REEP1: variants seen among roughly 807,000 people sequenced by gnomAD.
REEP1 encodes the protein receptor accessory protein 1.
In REEP1, 22 loss-of-function variants were observed where a neutral mutation model predicts 40.3. That is an observed-to-expected ratio of 0.55 (90% CI 0.39 to 0.78). The LOEUF (loss-of-function observed/expected upper bound fraction) is 0.78, where lower values mean the gene tolerates loss of function less well. Among genes scored for constraint, REEP1 ranks in the 30% least tolerant of loss-of-function variants. REEP1 has a pLI of 0.00. For missense variants in REEP1, 280 were observed against 361.1 expected, an observed-to-expected ratio of 0.78 and a Z score of 1.82; for synonymous variants, 116 against 139.2, an observed-to-expected ratio of 0.83 and a Z score of 1.17.
intron 6 of REEP1, 88 bp from the exon 7 acceptor site, chr2:86,227,486 G>A (rs1674771977): frequency 9.2e-7 from 1 of 1,086,280 alleles, no homozygotes; most frequent in Non-Finnish European, 1.2e-6. Flanking sequence ...CTGGAGAGGT[G>A]TGGGGATCCC....
At position 86,254,677 on chromosome 2, in the gene REEP1, A is replaced by G; in HGVS notation, c.303+17T>C. The G allele has an allele frequency of 1.2e-6, 2 of 1,611,158 alleles. No homozygotes were observed. The highest frequency in any genetic ancestry group is 1.7e-6 in the Non-Finnish European group (2 of 1,177,368). Reference sequence around the variant, plus strand: ...TCACTTGCTAGAAAGAATGAAAGACATGGCAGCATATATTACCTTTTCTTT... The same window carrying G: ...TCACTTGCTAGAAAGAATGAAAGACGTGGCAGCATATATTACCTTTTCTTT... On this transcript the variant is annotated intron_variant, in intron 4 of 8. Coordinates refer to ENST00000538924, the MANE Select transcript of REEP1 (RefSeq NM_001371279.1).
intron 5 of REEP1, among the ~76,000 whole-genome samples, chr2:86,241,496 TGA>T (rs1354783762): frequency 7.9e-5 from 12 of 152,136 alleles, no homozygotes; most frequent in African/African-American, 2.9e-4. Flanking sequence ...CCCTGGGGTG[TGA>T]GAGACTCTAA....
chr2:86,238,237 C>G (rs960971467), intron 5 of REEP1, among the ~76,000 whole-genome samples: 3 of 152,074 alleles, frequency 2.0e-5, no homozygotes, highest in African/African-American at 7.2e-5. Context: ...AACATTGTGT[C>G]CTAATTTAAT....
chr2:86,259,576 C>T (rs867700640), intron 3 of REEP1, among the ~76,000 whole-genome samples: 42 of 151,644 alleles, frequency 2.8e-4, no homozygotes, highest in African/African-American at 9.9e-4. Flanking sequence ...TTAGTAGAAA[C>T]GGGGTTTCAC....
rs1415684494 is a variant in REEP1, at chr2:86,219,982, T to G, written c.771A>C (p.Glu257Asp). ...MYKYKAPRRM[E>D]LPLEAPPRIL... ...AGACACTGTGTACCTCCAGGGGCAA[T>G]TCCATCCTTCGAGGTGCTTTATACT... Residue 257 changes from glutamate to aspartate, a missense_variant, in exon 8 of 9, where the codon GAA (glutamate) becomes GAC (aspartate). Around this residue, in one of 3 missense-constraint regions of REEP1, gnomAD observed 201 missense variants for 238.5 expected, o/e 0.84. Transcript: ENST00000538924. 2.4e-6 allele frequency: 3 copies of G among 1,232,152 alleles called. No individual in the cohort carries two copies. Among genetic ancestry groups the G allele is most frequent in the African/African-American group, 3.1e-5 (2 of 64,514 alleles). 76.3% of individuals were successfully genotyped at this position (1,232,152 alleles called of 1,614,324 possible).
chr2:86,325,382 G>C (rs1053161886), intron 1 of REEP1, among the ~76,000 whole-genome samples: 4 of 152,202 alleles, frequency 2.6e-5, no homozygotes, highest in Non-Finnish European at 5.9e-5. Flanking sequence ...CTTGGGTGTG[G>C]TCAGCTGAGT....
At chr2:86,232,519 G>C in intron 6 of REEP1, 106 bp downstream of exon 6, 3 of 1,357,418 alleles carry the variant, frequency 2.2e-6, no homozygotes, top group Non-Finnish European at 3.1e-6. Context: ...TTGGTGGCAG[G>C]TCCGTGGGGC....
At chr2:86,252,283 C>T (rs147550986) in intron 4 of REEP1, among the ~76,000 whole-genome samples, 12 of 152,214 alleles carry the variant, frequency 7.9e-5, no homozygotes, top group South Asian at 6.2e-4. Context: ...CTGCAACTTA[C>T]GGATCCAGCG....
chr2:86,312,643 A>C (rs896992458), intron 1 of REEP1, among the ~76,000 whole-genome samples: 1 of 152,218 alleles, frequency 6.6e-6, no homozygotes, highest in Non-Finnish European at 1.5e-5. Context: ...TCTCCAAAAA[A>C]AGAAAAAAGA....
chr2:86,318,762 A>G (rs1680150439), intron 1 of REEP1, among the ~76,000 whole-genome samples: 1 of 152,058 alleles, frequency 6.6e-6, no homozygotes, highest in Non-Finnish European at 1.5e-5. Context: ...GCCATACTTT[A>G]GTATTTGGGG....
At chr2:86,272,093 G>A (rs1261594630) in intron 2 of REEP1, among the ~76,000 whole-genome samples, 3 of 152,112 alleles carry the variant, frequency 2.0e-5, no homozygotes, top group African/African-American at 7.2e-5. Flanking sequence ...TGTGGTGTAC[G>A]CACTTGTAAT....
chr2:86,237,861 T>A (rs1675445435), intron 5 of REEP1, among the ~76,000 whole-genome samples: 1 of 152,120 alleles, frequency 6.6e-6, no homozygotes, highest in South Asian at 2.1e-4. Flanking sequence ...AAAAAAAAGA[T>A]GTCTAAGAGT....
At chr2:86,218,643 T>C (rs1674253880) in intron 8 of REEP1, among the ~76,000 whole-genome samples, 1 of 152,206 alleles carries the variant, frequency 6.6e-6, no homozygotes, top group Admixed American at 6.5e-5. Context: ...GCCTTAGAAT[T>C]CTTTAGGCTG....
chr2:86,266,497 T>TAGTC (rs1217039175), intron 2 of REEP1, among the ~76,000 whole-genome samples: 1 of 150,960 alleles, frequency 6.6e-6, no homozygotes, highest in African/African-American at 2.4e-5. Flanking sequence ...CCGGCGCCTG[T>TAGTC]AGTCCCAGCT....
At chr2:86,237,407 T>A (rs1390828651) in intron 5 of REEP1, among the ~76,000 whole-genome samples, 1 of 152,242 alleles carries the variant, frequency 6.6e-6, no homozygotes, top group Non-Finnish European at 1.5e-5. Context: ...CACGCCGAGC[T>A]GAAAAGTGAT....
At chr2:86,303,375 C>T (rs976248471) in intron 1 of REEP1, among the ~76,000 whole-genome samples, 1 of 151,986 alleles carries the variant, frequency 6.6e-6, no homozygotes, top group African/African-American at 2.4e-5. Flanking sequence ...CATCACCAGC[C>T]TGGCTAATTT....
At chr2:86,229,303 C>G (rs1674884545) in intron 6 of REEP1, among the ~76,000 whole-genome samples, 1 of 152,194 alleles carries the variant, frequency 6.6e-6, no homozygotes, top group South Asian at 2.1e-4. Context: ...AAGGAGCATG[C>G]CTTGCTGTGC....
At chr2:86,313,088 T>C (rs2104490748) in intron 1 of REEP1, among the ~76,000 whole-genome samples, 1 of 152,286 alleles carries the variant, frequency 6.6e-6, no homozygotes, top group East Asian at 1.9e-4. Flanking sequence ...AGCAAATGGA[T>C]TAAAAGAATA....
chr2:86,300,136 G>T (rs191799753), intron 1 of REEP1, among the ~76,000 whole-genome samples: 1 of 152,140 alleles, frequency 6.6e-6, no homozygotes, highest in South Asian at 2.1e-4. Flanking sequence ...ATCATCCCAC[G>T]CAGGCTGGTC....
Sources: allele counts gnomAD v4.1 joint callset (sites outside exome capture counted in the v4.1 genomes callset), GRCh38; gene constraint gnomAD v4.1.1; regional missense constraint gnomAD v4.1.1; transcripts MANE v1.5; gene names NCBI Gene and HGNC (gene_info 2026-07-23, HGNC 2026-07-21).